Variants in RABEP1 observed in about 807,000 individuals in gnomAD.
RABEP1 encodes the protein rabaptin, RAB GTPase binding effector protein 1, also known as rab GTPase-binding effector protein 1.
Under a neutral mutation model 123.4 loss-of-function variants are expected in RABEP1, and 51 were observed. The observed-to-expected ratio is 0.41, with a 90% CI of 0.33 to 0.52. The LOEUF is 0.52. RABEP1 is among the 20% of genes least tolerant of loss of function. The probability of loss-of-function intolerance (pLI) is 0.16; values close to 1 mark genes in which losing one functional copy is unlikely to be tolerated. For missense variants in RABEP1, 888 were observed against 996.3 expected (o/e 0.89, Z 1.46); for synonymous variants, 347 against 355.2 (o/e 0.98, Z 0.26).
intron 1 of RABEP1, among the ~76,000 whole-genome samples, chr17:5,289,374 A>T (rs1383898914): frequency 2.0e-5 from 3 of 149,592 alleles, no homozygotes; most frequent in Non-Finnish European, 4.4e-5. Flanking sequence ...TCGTTTTAAA[A>T]ATTTTTTGTT....
intron 2 of RABEP1, among the ~76,000 whole-genome samples, chr17:5,309,654 C>CAA (rs111398404): frequency 1.5e-5 from 1 of 68,338 alleles, no homozygotes; most frequent in Non-Finnish European, 3.0e-5. Context: ...ACTCCCATCT[C>CAA]AAAAAAAAAA....
intron 17 of RABEP1, among the ~76,000 whole-genome samples, chr17:5,382,383 G>A (rs1346897726): frequency 1.3e-5 from 2 of 151,678 alleles, no homozygotes; most frequent in Non-Finnish European, 2.9e-5. Flanking sequence ...TGCCCGGACT[G>A]GAACTGTGGA....
chr17:5,295,849 CATT>C (rs2075078672), intron 1 of RABEP1, among the ~76,000 whole-genome samples: 2 of 152,156 alleles, frequency 1.3e-5, no homozygotes, highest in African/African-American at 4.8e-5. Flanking sequence ...TTTGCCACAT[CATT>C]ATTTTTTGTA....
intron 2 of RABEP1, among the ~76,000 whole-genome samples, chr17:5,325,670 A>G (rs186828062): frequency 2.3e-4 from 35 of 152,206 alleles, no homozygotes; most frequent in Admixed American, 2.3e-3. Flanking sequence ...GAAGAATTCG[A>G]ATGGTTCTAG....
chr17:5,381,743 G>C, intron 17 of RABEP1: 3 of 455,024 alleles, frequency 6.6e-6, no homozygotes, highest in Non-Finnish European at 1.1e-5. Flanking sequence ...GTAAAGTACT[G>C]ACTCCTTAGC....
intron 12 of RABEP1, among the ~76,000 whole-genome samples, chr17:5,372,074 T>A (rs1421026687): frequency 1.3e-5 from 2 of 152,028 alleles, no homozygotes; most frequent in African/African-American, 4.8e-5. Flanking sequence ...ACTTTTATAT[T>A]GATACAAATA....
At chr17:5,379,548 C>T (rs560191063) in intron 15 of RABEP1, among the ~76,000 whole-genome samples, 1 of 152,306 alleles carries the variant, frequency 6.6e-6, no homozygotes, top group South Asian at 2.1e-4. Flanking sequence ...CATCCCTCCA[C>T]CTGCTGCAGT....
At position 5,380,674 on chromosome 17, in the gene RABEP1, AG is replaced by A. The variant is rs1459052575; in HGVS notation, c.2370+214del. The A allele has an allele frequency of 7.2e-6, 4 of 558,584 alleles. No individual in the cohort carries two copies. In the African/African-American group the frequency reaches 7.6e-5, roughly 11 times the overall value. The allele number at this position is 558,584 out of a possible 1,614,324, so 34.6% of individuals were successfully genotyped here. ...TGCCAGGTCTGGAGGCCTGCGTCAT[AG>A]GCTAGCTTCAGATAGTAGGCAGTCA... On this transcript the variant is annotated intron_variant, in intron 16 of 17. Coordinates refer to ENST00000537505, the MANE Select transcript of RABEP1 (RefSeq NM_004703.6).
chr17:5,304,387 C>A (rs1001109850), intron 1 of RABEP1, among the ~76,000 whole-genome samples: 1 of 151,676 alleles, frequency 6.6e-6, no homozygotes, highest in African/African-American at 2.4e-5. Flanking sequence ...CGAGACTAGC[C>A]TGGCTAATGT....
intron 1 of RABEP1, among the ~76,000 whole-genome samples, chr17:5,294,682 C>A: frequency 9.5e-6 from 1 of 104,772 alleles, no homozygotes; most frequent in South Asian, 3.6e-4. Flanking sequence ...GAGTCTCGCT[C>A]TGTCACCCAG....
chr17:5,372,663 G>A (rs1910613806), intron 12 of RABEP1, among the ~76,000 whole-genome samples: 1 of 152,168 alleles, frequency 6.6e-6, no homozygotes, highest in Non-Finnish European at 1.5e-5. Context: ...TAGAGTACAT[G>A]CTCTGTCTGA....
intron 13 of RABEP1, among the ~76,000 whole-genome samples, chr17:5,375,007 T>C (rs1910872227): frequency 1.3e-5 from 2 of 151,878 alleles, no homozygotes; most frequent in South Asian, 2.1e-4. Context: ...GAACTCCTGA[T>C]CTCAGGTGAT....
chr17:5,320,771 A>G (rs1315458044), intron 2 of RABEP1, among the ~76,000 whole-genome samples: 1 of 152,216 alleles, frequency 6.6e-6, no homozygotes, highest in Admixed American at 6.5e-5. Context: ...AAAAACCTAT[A>G]ATAGATTGAC....
At chr17:5,381,611 T>C (rs766809609) in intron 17 of RABEP1, 106 bp downstream of exon 17, 101 of 1,465,904 alleles carry the variant, frequency 6.9e-5, no homozygotes, top group Non-Finnish European at 8.0e-5. Context: ...GTTTAGAGAC[T>C]GGCTGCTCCT....
At chr17:5,320,857 A>G (rs2075348838) in intron 2 of RABEP1, among the ~76,000 whole-genome samples, 1 of 152,232 alleles carries the variant, frequency 6.6e-6, no homozygotes, top group Non-Finnish European at 1.5e-5. Context: ...AGAAGAGAGG[A>G]GTTACAAAAC....
At chr17:5,311,697 CAA>C (rs35876639) in intron 2 of RABEP1, among the ~76,000 whole-genome samples, 917 of 70,842 alleles carry the variant, frequency 0.013, 1 homozygote, top group Middle Eastern at 0.05. Context: ...GACTTCATCT[CAA>C]AAAAAAAAAA....
rs558451307 is a variant in RABEP1, at chr17:5,308,679, GT to G, written c.35-8del. On this transcript the variant is annotated splice_polypyrimidine_tract_variant and intron_variant, in intron 1 of 17. Coordinates refer to ENST00000537505, the MANE Select transcript of RABEP1 (RefSeq NM_004703.6). ...TAAAAGTTATTACTTGTTAACTAGT[GT>G]TTTTTTCCCCCAGTTTCTCTTCAGC... The G allele has an allele frequency of 1.9e-5, 30 of 1,600,232 alleles. No homozygotes were observed. The African/African-American group carries it at 2.6e-4, about 14-fold the overall frequency.
At chr17:5,355,183 T>C (rs1189279046) in intron 8 of RABEP1, among the ~76,000 whole-genome samples, 1 of 152,202 alleles carries the variant, frequency 6.6e-6, no homozygotes, top group Non-Finnish European at 1.5e-5. Context: ...CCATTACCTA[T>C]ATAATTAAGC....
chr17:5,380,244 G>T (rs1911337425), intron 15 of RABEP1, 120 bp from the exon 16 acceptor site: 1 of 640,766 alleles, frequency 1.6e-6, no homozygotes, highest in Non-Finnish European at 2.7e-6. Flanking sequence ...AGGGTGAGAG[G>T]AGTATTCCCA....
Sources: allele counts gnomAD v4.1 joint callset (sites outside exome capture counted in the v4.1 genomes callset), GRCh38; gene constraint gnomAD v4.1.1; transcripts MANE v1.5; gene names NCBI Gene and HGNC (gene_info 2026-07-23, HGNC 2026-07-21).